The following ENPP3 variants were observed in gnomAD, a reference collection of about 807,000 sequenced individuals.
ENPP3 encodes the protein ectonucleotide pyrophosphatase/phosphodiesterase 3, also known as ectonucleotide pyrophosphatase/phosphodiesterase family member 3.
In ENPP3, 104 loss-of-function variants were observed where a neutral mutation model predicts 117.8. That is an observed-to-expected ratio of 0.88 (90% CI 0.75 to 1.04). ENPP3 has a LOEUF of 1.04. ENPP3 is among the 50% of genes least tolerant of loss of function. ENPP3 has a pLI of 0.00. For synonymous variants in ENPP3, 380 were observed against 349.9 expected (o/e 1.09, Z -0.96); for missense variants, 1,026 against 1,051.9 (o/e 0.98, Z 0.34).
chr6:131,641,329 G>A, intron 1 of ENPP3, 126 bp from the exon 2 acceptor site: 2 of 512,038 alleles, frequency 3.9e-6, no homozygotes, highest in Non-Finnish European at 3.6e-6. Flanking sequence ...GATCATTGTT[G>A]GATCTGGTAT....
At chr6:131,686,718 G>A (rs1163574718) in intron 14 of ENPP3, among the ~76,000 whole-genome samples, 4 of 152,102 alleles carry the variant, frequency 2.6e-5, no homozygotes, top group African/African-American at 4.8e-5. Flanking sequence ...TTATGTTCAC[G>A]TGTGTTCAAT....
intron 3 of ENPP3, among the ~76,000 whole-genome samples, 159 bp from the exon 4 acceptor site, chr6:131,652,383 G>T (rs1296831029): frequency 6.6e-6 from 1 of 152,148 alleles, no homozygotes; most frequent in Non-Finnish European, 1.5e-5. Flanking sequence ...GAAGAAAAGT[G>T]GTGGTTTGCC....
chr6:131,692,132 T>A (rs1404007385), intron 14 of ENPP3, among the ~76,000 whole-genome samples: 3 of 152,150 alleles, frequency 2.0e-5, no homozygotes, highest in Non-Finnish European at 4.4e-5. Flanking sequence ...TGTTAATATA[T>A]ATGATATATT....
intron 7 of ENPP3, among the ~76,000 whole-genome samples, chr6:131,673,208 A>ATC (rs1233301227): frequency 1.3e-5 from 2 of 152,154 alleles, no homozygotes; most frequent in East Asian, 1.9e-4. Context: ...ATATATATAT[A>ATC]TACACACTTG....
Position 131,726,139 on chromosome 6 carries a change from T to A in ENPP3, c.1892T>A (p.Val631Asp). The change falls in exon 20 of 25, where the codon GTC (valine) becomes GAC (aspartate). Residue 631 changes from valine (V) to aspartate (D), a missense_variant. By Grantham distance (152) the Val-to-Asp change is radical (BLOSUM62 -3). Transcript: ENST00000357639. Reference protein sequence around the residue: ...DHCLLYHREYVSGFGKAMRMP... With the variant: ...DHCLLYHREYDSGFGKAMRMP... Reference sequence around the variant, plus strand: ...TGTCTCCTTTACCACAGGGAATATGTCAGTGGATTTGGAAAAGCTATGAGG... The same window carrying A: ...TGTCTCCTTTACCACAGGGAATATGACAGTGGATTTGGAAAAGCTATGAGG... 2 of 1,613,708 alleles carry A rather than the reference T, an allele frequency of 1.2e-6. No individual in the cohort carries two copies. Among genetic ancestry groups the A allele is most frequent in the Non-Finnish European group, 1.7e-6 (2 of 1,179,618 alleles).
At chr6:131,669,166 G>A (rs1014935773) in intron 6 of ENPP3, among the ~76,000 whole-genome samples, 5 of 152,120 alleles carry the variant, frequency 3.3e-5, no homozygotes, top group Non-Finnish European at 5.9e-5. Context: ...TATTTTAATT[G>A]TGTAAGTGGA....
chr6:131,674,756 G>T (rs1413500721), intron 8 of ENPP3, among the ~76,000 whole-genome samples: 1 of 151,734 alleles, frequency 6.6e-6, no homozygotes, highest in East Asian at 1.9e-4. Flanking sequence ...ATTTTTAGTA[G>T]AGATGGGGTT....
chr6:131,685,100 A>G (rs1385884101), intron 12 of ENPP3, among the ~76,000 whole-genome samples: 1 of 152,178 alleles, frequency 6.6e-6, no homozygotes, highest in Admixed American at 6.5e-5. Context: ...ATATACTTTT[A>G]AAGGTAAAGG....
rs142067267 is a variant in ENPP3, at chr6:131,673,164, T to C, written c.643-998T>C. 7.9e-3 allele frequency among the ~76,000 whole-genome samples: 1,208 copies of C among 152,312 alleles called. 12 individuals are homozygous for C. The highest frequency in any genetic ancestry group is 0.024 in the African/African-American group (1,010 of 41,568). ...CAAGCTATCAGCCTAATGTCACTTA[T>C]TTGCTGCTGTAAACCATAATAGAAC... On this transcript the variant is annotated intron_variant, in intron 7 of 24. Transcript: ENST00000357639.
chr6:131,659,788 C>T (rs1319014625), intron 6 of ENPP3, among the ~76,000 whole-genome samples: 1 of 152,176 alleles, frequency 6.6e-6, no homozygotes, highest in African/African-American at 2.4e-5. Context: ...AGAAAGTTAA[C>T]TAACACTTCT....
chr6:131,649,900 G>A, intron 2 of ENPP3, 127 bp from the exon 3 acceptor site: 1 of 977,136 alleles, frequency 1.0e-6, no homozygotes, highest in Non-Finnish European at 1.6e-6. Flanking sequence ...AGATCCTGCA[G>A]CACCATAAAA....
chr6:131,726,197 G>A lies in ENPP3; in HGVS notation c.1950G>A (p.Gln650=). 1.2e-6 allele frequency: 2 copies of A among 1,613,322 alleles called. No individual in the cohort carries two copies. Among genetic ancestry groups the A allele is most frequent in the South Asian group, 1.1e-5 (1 of 90,956 alleles). The change falls in exon 20 of 25, where the codon CAG becomes CAA. Residue 650 remains glutamine, a synonymous_variant. Coordinates refer to ENST00000357639, the MANE Select transcript of ENPP3 (RefSeq NM_005021.5). ...TGTGGAGTTCATACACAGTCCCCCA[G>A]TTGGTAAGTTCCTGAGTCCATTGAT... is the stretch of plus-strand genomic sequence containing the variant. The part of the protein sequence containing the change: ...MPMWSSYTVP[Q]LGDTSPLPPT...
rs11963830 is a variant in ENPP3 at position 131,666,533 on chromosome 6, A to C, written c.563-4715A>C. ...TGTCCCACAGTTCTCTTAATCTTTC[A>C]TCACTTCTTTCCATTCTTTTTTCTT... On this transcript the variant is annotated intron_variant, in intron 6 of 24. Coordinates refer to ENST00000357639, the MANE Select transcript of ENPP3 (RefSeq NM_005021.5). Among the ~76,000 whole-genome samples the C allele has an allele frequency of 9.6e-3, 1,455 of 152,176 alleles. 20 individuals carry two copies. The highest frequency in any genetic ancestry group is 0.034 in the African/African-American group (1,399 of 41,526).
intron 24 of ENPP3, among the ~76,000 whole-genome samples, chr6:131,742,488 TCTC>T (rs1247050172): frequency 6.6e-6 from 1 of 152,060 alleles, no homozygotes; most frequent in Non-Finnish European, 1.5e-5. Flanking sequence ...AGATTTGTGG[TCTC>T]CTCTCCTCTT....
intron 20 of ENPP3, among the ~76,000 whole-genome samples, chr6:131,726,806 C>T (rs1411454602): frequency 6.6e-6 from 1 of 152,190 alleles, no homozygotes; most frequent in Non-Finnish European, 1.5e-5. Context: ...TTCTCTTGCA[C>T]TAAGTAGTAC....
chr6:131,668,633 T>A (rs1778673868), intron 6 of ENPP3, among the ~76,000 whole-genome samples: 2 of 152,244 alleles, frequency 1.3e-5, no homozygotes, highest in South Asian at 2.1e-4. Flanking sequence ...TTATCTCATT[T>A]ATATTTTCAG....
At position 131,679,051 on chromosome 6, in the gene ENPP3, T is replaced by C. The variant is rs992737091; in HGVS notation, c.1011+1111T>C. Among the ~76,000 whole-genome samples the C allele has an allele frequency of 2.2e-3, 272 of 125,996 alleles. 7 individuals are homozygous for C. Among genetic ancestry groups the C allele is most frequent in the African/African-American group, 7.8e-3 (217 of 27,894 alleles). The allele number at this position is 125,996 out of a possible 152,430, so 82.7% of individuals were successfully genotyped here. A position where few individuals can be genotyped will look rare whatever the true frequency, so the allele number is the denominator to read the frequency against. On this transcript the variant is annotated intron_variant, in intron 11 of 24. Transcript: ENST00000357639. ...CTTCTTTCTTTCTTTCTTTCTTTCT[T>C]TCTTTCTTTCTTTCTTTCTTTCTTT...
intron 7 of ENPP3, among the ~76,000 whole-genome samples, chr6:131,673,404 G>A (rs1396328770): frequency 6.6e-6 from 1 of 152,146 alleles, no homozygotes; most frequent in African/African-American, 2.4e-5. Flanking sequence ...CATAAATGGA[G>A]CTGGAGACTA....
At chr6:131,685,544 A>G in intron 13 of ENPP3, 49 bp downstream of exon 13, 1 of 1,579,446 alleles carries the variant, frequency 6.3e-7, no homozygotes, top group Non-Finnish European at 8.7e-7. Context: ...CTGAAAGTGA[A>G]TAACCATAGT....
Sources: gnomAD v4.1 joint callset for allele counts (sites outside exome capture counted in the v4.1 genomes callset) on GRCh38, gnomAD v4.1.1 for gene constraint, MANE v1.5 for transcripts, NCBI Gene and HGNC (gene_info 2026-07-23, HGNC 2026-07-21) for gene names.